Variants in RAB40A observed in about 807,000 individuals in gnomAD.
The protein encoded by RAB40A is RAB40A, member RAS oncogene family.
For missense variants in RAB40A, 145 were observed against 230.2 expected (o/e 0.63, Z 2.40); for synonymous variants, 65 against 99.9 (o/e 0.65, Z 2.08).
In RAB40A at chrX:103,519,400, G is replaced by A. The variant is rs761161784; in HGVS notation, c.-253C>T. 47 of 111,863 alleles carry A rather than the reference G, an allele frequency of 4.2e-4. No individual in the cohort carries two copies. The highest frequency in any genetic ancestry group is 1.4e-3 in the African/African-American group (44 of 30,837). The allele number at this position is 111,863 out of a possible 1,213,427, so 9.2% of individuals were successfully genotyped here. Reference sequence around the variant, plus strand: ...TCCTGTAGCCAGTCCACCTCCATGTGCTTGATACAGTTGACACTTCTTACC... The same window carrying A: ...TCCTGTAGCCAGTCCACCTCCATGTACTTGATACAGTTGACACTTCTTACC... On this transcript the variant is annotated 5_prime_UTR_variant, in exon 1 of 3. Coordinates refer to ENST00000304236, the MANE Select transcript of RAB40A (RefSeq NM_080879.3).
chrX:103,494,855 C>T (rs188675602), downstream of RAB40A, among the ~76,000 whole-genome samples: 48 of 111,368 alleles, frequency 4.3e-4, 1 homozygote, highest in African/African-American at 1.5e-3. Context: ...TATTGTGATT[C>T]CTCCAGTTTT....
chrX:103,503,466 C>A, intron 2 of RAB40A: 1 of 751,312 alleles, frequency 1.3e-6, no homozygotes, highest in Non-Finnish European at 1.6e-6. Context: ...TCAGTGAATG[C>A]CATGTAGATT....
chrX:103,507,057 G>T (rs1157407836), intron 2 of RAB40A, among the ~76,000 whole-genome samples: 4 of 30,818 alleles, frequency 1.3e-4, no homozygotes, highest in Admixed American at 4.5e-4. Flanking sequence ...CCCCCAACAA[G>T]CCCCGGTGTG....
chrX:103,503,213 AG>A lies in RAB40A; in HGVS notation c.-70-2388del, dbSNP rs1342613746. On this transcript the variant is annotated intron_variant, in intron 2 of 2. Transcript: ENST00000304236. ...ACAAGACTGTAAAAACATATGCGCC[AG>A]GGCATGAAACACCAGGTAGCACTGA... 57 of 751,772 alleles carry A rather than the reference AG, an allele frequency of 7.6e-5. No individual in the cohort carries two copies. The Admixed American group carries it at 1.4e-3, about 19-fold the overall frequency. 62.0% of individuals were successfully genotyped at this position (751,772 alleles called of 1,213,427 possible).
intron 2 of RAB40A, among the ~76,000 whole-genome samples, chrX:103,513,753 C>T (rs1416297456): frequency 2.7e-5 from 3 of 110,370 alleles, no homozygotes; most frequent in Non-Finnish European, 5.7e-5. Flanking sequence ...ACTGCAAATC[C>T]CAGCTACTTG....
chrX:103,493,943 T>TATA, the RAB40A span, among the ~76,000 whole-genome samples: 1 of 112,468 alleles, frequency 8.9e-6, no homozygotes, highest in Non-Finnish European at 1.9e-5. Flanking sequence ...CTTTTGGGTA[T>TATA]ATACCCAGCA....
At chrX:103,503,864 C>A (rs1048296111) in intron 2 of RAB40A, among the ~76,000 whole-genome samples, 4 of 112,118 alleles carry the variant, frequency 3.6e-5, no homozygotes, top group Non-Finnish European at 7.5e-5. Flanking sequence ...GACCTAGACA[C>A]ACACACACAT....
At chrX:103,508,833 T>C (rs2073271076) in intron 2 of RAB40A, among the ~76,000 whole-genome samples, 1 of 111,928 alleles carries the variant, frequency 8.9e-6, no homozygotes, top group African/African-American at 3.3e-5. Context: ...GGGGCAGTGA[T>C]TGTCTAATGA....
intron 2 of RAB40A, among the ~76,000 whole-genome samples, chrX:103,513,994 T>G (rs2073304274): frequency 9.0e-6 from 1 of 111,564 alleles, no homozygotes; most frequent in African/African-American, 3.3e-5. Flanking sequence ...ACATTTTTTT[T>G]AAATGACTGA....
At chrX:103,512,738 T>G (rs2073297143) in intron 2 of RAB40A, among the ~76,000 whole-genome samples, 1 of 112,136 alleles carries the variant, frequency 8.9e-6, no homozygotes, top group African/African-American at 3.2e-5. Context: ...AAAAGTAGGA[T>G]ACTATTTTAT....
At chrX:103,518,156 G>C (rs1342362695) in intron 1 of RAB40A, among the ~76,000 whole-genome samples, 1 of 111,527 alleles carries the variant, frequency 9.0e-6, no homozygotes, top group Non-Finnish European at 1.9e-5. Context: ...GACTCCACCA[G>C]TGTAGAATAT....
intron 2 of RAB40A, chrX:103,502,098 CA>C (rs1169268619): frequency 1.6e-5 from 2 of 122,954 alleles, no homozygotes; most frequent in Non-Finnish European, 3.8e-5. Context: ...CCAAAATAGC[CA>C]GGTAAGTGGT....
intron 2 of RAB40A, chrX:103,503,310 A>G: frequency 1.3e-6 from 1 of 753,366 alleles, no homozygotes; most frequent in Non-Finnish European, 1.6e-6. Context: ...TGTCCATAGG[A>G]TCCTAGAGAA....
At position 103,509,313 on chromosome X, in the gene RAB40A, CTCTCTCTG is replaced by C. The variant is rs1344963402; in HGVS notation, c.-71+8053_-71+8060del. Reference sequence around the variant, plus strand: ...GATCTCTCTCTCTCTCTCTCTCTCTCTCTCTCTGTCTCTCTGTCTCTCTGTCTCTTCTT... The same window carrying C: ...GATCTCTCTCTCTCTCTCTCTCTCTCTCTCTCTGTCTCTCTGTCTCTTCTT... On this transcript the variant is annotated intron_variant, in intron 2 of 2. Transcript: ENST00000304236. Among the ~76,000 whole-genome samples the C allele has an allele frequency of 7.9e-4, 79 of 99,385 alleles. 1 individual carries two copies. Among genetic ancestry groups the C allele is most frequent in the East Asian group, 6.6e-3 (21 of 3,192 alleles). 86.3% of individuals were successfully genotyped at this position (99,385 alleles called of 115,157 possible). A position where few individuals can be genotyped will look rare whatever the true frequency, so the allele number is the denominator to read the frequency against.
chrX:103,518,682 T>G (rs1449541666), intron 1 of RAB40A, among the ~76,000 whole-genome samples: 3 of 111,835 alleles, frequency 2.7e-5, no homozygotes, highest in Non-Finnish European at 5.6e-5. Context: ...GATGACACTC[T>G]AAAAGAAAAA....
At position 103,500,345 on chromosome X, in the gene RAB40A, T is replaced by C; in HGVS notation, c.412A>G (p.Arg138Gly). 1 of 1,211,847 alleles carries C rather than the reference T, an allele frequency of 8.3e-7. No individual in the cohort carries two copies. The highest frequency in any genetic ancestry group is 1.1e-6 in the Non-Finnish European group (1 of 895,438). Residue 138 changes from arginine (R) to glycine (G), a missense_variant, in exon 3 of 3, where the codon AGG becomes GGG. Arg to Gly is a moderately radical substitution (Grantham distance 125, BLOSUM62 -2). Transcript: ENST00000304236. The part of the protein sequence containing the change: ...LHLAFKRQVP[R>G]EQAQAYAERL... ...TCGGCGTAGGCCTGGGCCTGCTCCC[T>C]GGGCACCTGCCTCTTGAATGCCAGA...
chrX:103,515,473 G>C (rs1180888), intron 2 of RAB40A, among the ~76,000 whole-genome samples: 30,856 of 110,976 alleles, frequency 0.28, 3,432 homozygotes, highest in Middle Eastern at 0.35. Context: ...AGTCTTTTGA[G>C]GAAGGGAAAA....
intron 2 of RAB40A, among the ~76,000 whole-genome samples, chrX:103,510,225 A>T (rs893248901): frequency 8.9e-6 from 1 of 111,806 alleles, no homozygotes. Flanking sequence ...CATAAATCCA[A>T]TTGTCCCACT....
In RAB40A at chrX:103,499,751, A is replaced by G; in HGVS notation, c.*172T>C. On this transcript the variant is annotated 3_prime_UTR_variant, in exon 3 of 3. Coordinates refer to ENST00000304236, the MANE Select transcript of RAB40A (RefSeq NM_080879.3). ...CATCCAAATAGAAATTCAAAGTCAAACTGTGTAATGTGTTTTTATTGACAG... is the reference window on the plus strand; with the variant it reads ...CATCCAAATAGAAATTCAAAGTCAAGCTGTGTAATGTGTTTTTATTGACAG... 2 of 540,350 alleles carry G rather than the reference A, an allele frequency of 3.7e-6. No homozygotes were observed. Among genetic ancestry groups the G allele is most frequent in the South Asian group, 6.2e-5 (2 of 32,177 alleles). 44.5% of individuals were successfully genotyped at this position (540,350 alleles called of 1,213,427 possible). A position where few individuals can be genotyped will look rare whatever the true frequency, so the allele number is the denominator to read the frequency against.
Sources: gnomAD v4.1 joint callset for allele counts (sites outside exome capture counted in the v4.1 genomes callset) on GRCh38, gnomAD v4.1.1 for gene constraint, MANE v1.5 for transcripts, NCBI Gene and HGNC (gene_info 2026-07-23, HGNC 2026-07-21) for gene names.